Variants in TNR observed in about 807,000 individuals in gnomAD.
TNR encodes the protein tenascin-R.
Under a neutral mutation model 150.4 loss-of-function variants are expected in TNR, and 45 were observed. The observed-to-expected ratio is 0.30, with a 90% CI of 0.24 to 0.38. The LOEUF is 0.38. Among genes scored for constraint, TNR ranks in the 10% least tolerant of loss-of-function variants. The pLI is 1.00. For missense variants in TNR, 1,544 were observed against 1,759.1 expected (o/e 0.88, Z 2.19); for synonymous variants, 687 against 678.4 (o/e 1.01, Z -0.20).
At chr1:175,492,755 A>G (rs181851356) in intron 2 of TNR, among the ~76,000 whole-genome samples, 2 of 152,246 alleles carry the variant, frequency 1.3e-5, no homozygotes, top group Admixed American at 6.5e-5. Flanking sequence ...GGATGCAACA[A>G]GAGAGATGTT....
chr1:175,741,626 T>G (rs545267497), intron 1 of TNR, among the ~76,000 whole-genome samples: 24 of 152,354 alleles, frequency 1.6e-4, no homozygotes, highest in Non-Finnish European at 2.5e-4. Flanking sequence ...ACTGTCTTCC[T>G]GGATGCATTC....
At chr1:175,690,442 G>A (rs753578929) in intron 1 of TNR, among the ~76,000 whole-genome samples, 3 of 152,344 alleles carry the variant, frequency 2.0e-5, no homozygotes, top group Middle Eastern at 3.4e-3. Flanking sequence ...TCTTGAGAAG[G>A]TGACAGTCAC....
chr1:175,611,695 T>G (rs1663606320), intron 1 of TNR, among the ~76,000 whole-genome samples: 1 of 152,102 alleles, frequency 6.6e-6, no homozygotes, highest in Non-Finnish European at 1.5e-5. Flanking sequence ...ACTGAGAAAT[T>G]AATTAATGTG....
intron 20 of TNR, among the ~76,000 whole-genome samples, chr1:175,334,354 T>G (rs1650114936): frequency 6.6e-6 from 1 of 152,194 alleles, no homozygotes; most frequent in African/African-American, 2.4e-5. Context: ...GCTCCCCTCC[T>G]TTTTCAGGGA....
chr1:175,332,595 C>G (rs1172841203), intron 20 of TNR, among the ~76,000 whole-genome samples: 3 of 152,216 alleles, frequency 2.0e-5, no homozygotes, highest in Non-Finnish European at 4.4e-5. Flanking sequence ...GTAAAGACTT[C>G]TCTTTCTGAT....
chr1:175,423,366 C>T (rs151135869), intron 2 of TNR, among the ~76,000 whole-genome samples: 223 of 152,190 alleles, frequency 1.5e-3, no homozygotes, highest in African/African-American at 5.1e-3. Context: ...AATTGTTGAA[C>T]TGAGCAGAAT....
Position 175,335,816 on chromosome 1 carries a change from G to T in TNR, c.3535-9C>A. On this transcript the variant is annotated splice_polypyrimidine_tract_variant and intron_variant, in intron 19 of 22. Transcript: ENST00000367674. ...TGCCGCCTCTGGAATACCTATGAAG[G>T]AAATAAAAAAACAAAAAACAAACAA... 3 of 1,598,556 alleles carry T rather than the reference G, an allele frequency of 1.9e-6. No homozygotes were observed. Among genetic ancestry groups the T allele is most frequent in the Non-Finnish European group, 2.6e-6 (3 of 1,174,888 alleles).
rs565454188 is a variant in TNR, at chr1:175,362,648, G to T, written c.2854+15C>A. 106 of 1,611,038 alleles carry T rather than the reference G, an allele frequency of 6.6e-5. No individual in the cohort carries two copies. Among genetic ancestry groups the T allele is most frequent in the Non-Finnish European group, 8.7e-5 (103 of 1,177,616 alleles). On this transcript the variant is annotated intron_variant, in intron 14 of 22. Coordinates refer to ENST00000367674, the MANE Select transcript of TNR (RefSeq NM_003285.3). ...GCCAGGGTTCTGACTTGACACAGCAGGGAGACATTCCCACCTGTGTGCACA... is the reference window on the plus strand; with the variant it reads ...GCCAGGGTTCTGACTTGACACAGCATGGAGACATTCCCACCTGTGTGCACA...
At chr1:175,357,377 C>T (rs1651382566) in intron 15 of TNR, among the ~76,000 whole-genome samples, 1 of 152,180 alleles carries the variant, frequency 6.6e-6, no homozygotes, top group Non-Finnish European at 1.5e-5. Flanking sequence ...TAACAGTTTA[C>T]TAGGCACATT....
intron 1 of TNR, among the ~76,000 whole-genome samples, chr1:175,530,689 T>G (rs16848582): frequency 1.3e-5 from 2 of 152,048 alleles, no homozygotes; most frequent in Non-Finnish European, 2.9e-5. Flanking sequence ...TTTACAAGAT[T>G]ATACTATACA....
At chr1:175,700,679 GCA>G (rs1666666459) in intron 1 of TNR, among the ~76,000 whole-genome samples, 1 of 152,130 alleles carries the variant, frequency 6.6e-6, no homozygotes, top group African/African-American at 2.4e-5. Context: ...GAGGATGAGG[GCA>G]CAGTGTTCCA....
intron 2 of TNR, among the ~76,000 whole-genome samples, chr1:175,523,116 A>G (rs190901145): frequency 4.6e-5 from 7 of 152,276 alleles, no homozygotes; most frequent in African/African-American, 7.2e-5. Context: ...TTCATATTCA[A>G]TCAATACAAT....
At chr1:175,727,185 T>A (rs1304357651) in intron 1 of TNR, among the ~76,000 whole-genome samples, 1 of 152,244 alleles carries the variant, frequency 6.6e-6, no homozygotes, top group East Asian at 1.9e-4. Flanking sequence ...AAATTGTGAA[T>A]CTTTTTAGAA....
At chr1:175,524,505 G>A (rs1461245510) in intron 2 of TNR, among the ~76,000 whole-genome samples, 1 of 152,054 alleles carries the variant, frequency 6.6e-6, no homozygotes. Context: ...ATGCAAGTGA[G>A]GAAAGGAGAG....
chr1:175,435,647 G>A (rs1206489843), intron 2 of TNR, among the ~76,000 whole-genome samples: 1 of 152,194 alleles, frequency 6.6e-6, no homozygotes, highest in Non-Finnish European at 1.5e-5. Context: ...TCCAAGGACT[G>A]ATCCCTGTGA....
intron 2 of TNR, among the ~76,000 whole-genome samples, chr1:175,519,955 T>A (rs1431117869): frequency 6.6e-6 from 1 of 152,216 alleles, no homozygotes; most frequent in Non-Finnish European, 1.5e-5. Flanking sequence ...TGGGTTCAAA[T>A]CCCTGTTCTT....
intron 1 of TNR, among the ~76,000 whole-genome samples, chr1:175,609,230 T>A (rs911462648): frequency 6.6e-6 from 1 of 152,212 alleles, no homozygotes; most frequent in Admixed American, 6.5e-5. Flanking sequence ...GAATGACATC[T>A]GTAACCCAGT....
intron 1 of TNR, among the ~76,000 whole-genome samples, chr1:175,663,482 A>C (rs1665440320): frequency 2.0e-5 from 3 of 152,202 alleles, no homozygotes. Context: ...GATGGGGATA[A>C]ATGGCTTGTT....
chr1:175,677,370 G>A (rs1251169538), intron 1 of TNR, among the ~76,000 whole-genome samples: 1 of 152,132 alleles, frequency 6.6e-6, no homozygotes, highest in East Asian at 1.9e-4. Context: ...GGGCACTGCT[G>A]TCTCTCTTTG....
Sources: allele counts gnomAD v4.1 joint callset (sites outside exome capture counted in the v4.1 genomes callset), GRCh38; gene constraint gnomAD v4.1.1; transcripts MANE v1.5; gene names NCBI Gene and HGNC (gene_info 2026-07-23, HGNC 2026-07-21).